The following NOD1 variants were observed in gnomAD, a reference collection of about 807,000 sequenced individuals.
The protein encoded by NOD1 is nucleotide binding oligomerization domain containing 1.
NOD1 carries 70 observed loss-of-function variants against 81.2 expected under a neutral mutation model. The observed-to-expected ratio is 0.86, with a 90% CI of 0.71 to 1.05. NOD1 has a LOEUF of 1.05. NOD1 is among the 50% of genes least tolerant of loss of function. NOD1 has a pLI of 0.00. For synonymous variants in NOD1, 508 were observed against 526.9 expected (o/e 0.96, Z 0.49); for missense variants, 1,233 against 1,228.0 (o/e 1.00, Z -0.06).
In NOD1 at chr7:30,478,774, G is replaced by T. The variant is rs924215600; in HGVS notation, c.-520C>A. 2 of 152,368 alleles carry T rather than the reference G, an allele frequency of 1.3e-5. No individual in the cohort carries two copies. Among genetic ancestry groups the T allele is most frequent in the Middle Eastern group, 6.8e-3 (2 of 292 alleles). 9.4% of individuals were successfully genotyped at this position (152,368 alleles called of 1,614,324 possible). A position where few individuals can be genotyped will look rare whatever the true frequency, so the allele number is the denominator to read the frequency against. Reference sequence around the variant, plus strand: ...CCGGGGCGGCTGCCTCGCGGGCCCGGAACGGGAACTGGCTGCGACTACAGC... The same window carrying T: ...CCGGGGCGGCTGCCTCGCGGGCCCGTAACGGGAACTGGCTGCGACTACAGC... On this transcript the variant is annotated 5_prime_UTR_variant, in exon 1 of 14. Transcript: ENST00000222823. The surrounding 1 kb of genome is among the most constrained non-coding windows in gnomAD (Gnocchi z 4.1).
chr7:30,446,170 C>T lies in NOD1; in HGVS notation c.2424G>A (p.Val808=). 6.2e-7 allele frequency: 1 copy of T among 1,613,858 alleles called. No individual in the cohort carries two copies. Among genetic ancestry groups the T allele is most frequent in the Non-Finnish European group, 8.5e-7 (1 of 1,179,810 alleles). ...CCTCAGAGATTGATTTGCTGTTCTT[C>T]ACAGCCAGGGCGAGATACTTCCCTC... The part of the protein sequence containing the change: ...SEGGKYLALA[V]KNSKSISEVG... Residue 808 remains valine, a synonymous_variant, in exon 9 of 14, where the codon GTG becomes GTA. Coordinates refer to ENST00000222823, the MANE Select transcript of NOD1 (RefSeq NM_006092.4).
rs905089477 is a variant in NOD1 at position 30,467,449 on chromosome 7, T to C, written c.-351-7408A>G. On this transcript the variant is annotated intron_variant, in intron 1 of 13. Transcript: ENST00000222823. The surrounding 1 kb of genome is among the most constrained non-coding windows in gnomAD (Gnocchi z 4.5). ...CATCTTGAGGCAGGCCAGCACAACA[T>C]TCTCAGCGACTGCCTTGTTTTGAGG... is the stretch of plus-strand genomic sequence containing the variant. 1.3e-5 allele frequency among the ~76,000 whole-genome samples: 2 copies of C among 152,106 alleles called. No homozygotes were observed. Among genetic ancestry groups the C allele is most frequent in the Non-Finnish European group, 2.9e-5 (2 of 68,010 alleles).
chr7:30,427,345 G>A (rs1783542638), intron 13 of NOD1, among the ~76,000 whole-genome samples: 1 of 152,194 alleles, frequency 6.6e-6, no homozygotes, highest in East Asian at 1.9e-4. Context: ...AAGGAATGAG[G>A]TAGAAATAAG....
At chr7:30,429,595 T>G in intron 12 of NOD1, 138 bp from the exon 13 acceptor site, 1 of 694,408 alleles carries the variant, frequency 1.4e-6, no homozygotes, top group Non-Finnish European at 2.6e-6. Flanking sequence ...ACTTTGTATC[T>G]GGCTAAAAGT....
At chr7:30,437,250 C>T (rs1358448001) in intron 10 of NOD1, among the ~76,000 whole-genome samples, 1 of 152,110 alleles carries the variant, frequency 6.6e-6, no homozygotes, top group African/African-American at 2.4e-5. Context: ...GGAGGGCAAG[C>T]ATTAGGACAA....
chr7:30,460,156 A>G (rs112319733), intron 1 of NOD1, 115 bp from the exon 2 acceptor site: 34,475 of 813,194 alleles, frequency 0.042, 800 homozygotes, highest in Non-Finnish European at 0.045. Flanking sequence ...ATTCAGCAAG[A>G]ACTTAACAAG....
At position 30,448,368 on chromosome 7, in the gene NOD1, G is replaced by T. The variant is rs1372146123; in HGVS notation, c.2215C>A (p.Gln739Lys). 6.2e-7 allele frequency: 1 copy of T among 1,614,022 alleles called. No homozygotes were observed. Among genetic ancestry groups the T allele is most frequent in the Admixed American group, 1.7e-5 (1 of 60,016 alleles). The change falls in exon 7 of 14, where the codon CAG becomes AAG. Residue 739 changes from glutamine to lysine, a missense_variant. By Grantham distance (53) the Gln-to-Lys change is moderately conservative. Coordinates refer to ENST00000222823, the MANE Select transcript of NOD1 (RefSeq NM_006092.4). Reference sequence around the variant, plus strand: ...ACCTTTACCCCACCGTCAGTGATCTGGTTTACGCTGAGTCTGAAATAAAAC... The same window carrying T: ...ACCTTTACCCCACCGTCAGTGATCTTGTTTACGCTGAGTCTGAAATAAAAC... ...RLTVLRLSVN[Q>K]ITDGGVKVLS...
intron 1 of NOD1, among the ~76,000 whole-genome samples, chr7:30,460,873 C>T (rs940491568): frequency 2.0e-5 from 3 of 152,206 alleles, no homozygotes; most frequent in Non-Finnish European, 4.4e-5. Context: ...TGCCCAAGTC[C>T]CCTCCTGCAA....
At chr7:30,465,529 A>G (rs898351450) in intron 1 of NOD1, among the ~76,000 whole-genome samples, 1 of 151,892 alleles carries the variant, frequency 6.6e-6, no homozygotes, top group African/African-American at 2.4e-5. Context: ...ACAAGACTAG[A>G]CTCCATCCCA....
intron 6 of NOD1, 49 bp from the exon 7 acceptor site, chr7:30,448,430 T>C (rs375665569): frequency 7.0e-7 from 1 of 1,420,268 alleles, no homozygotes; most frequent in Non-Finnish European, 1.0e-6. Flanking sequence ...GCACTCATTA[T>C]GAAGGACCAT....
chr7:30,451,670 C>A lies in NOD1; in HGVS notation c.1747G>T (p.Asp583Tyr). The change falls in exon 6 of 14, where the codon GAT (aspartate) becomes TAT (tyrosine). Residue 583 changes from aspartate (D) to tyrosine (Y), a missense_variant. Physicochemically the swap from Asp to Tyr is radical, Grantham distance 160. Coordinates refer to ENST00000222823, the MANE Select transcript of NOD1 (RefSeq NM_006092.4). The surrounding 1 kb of genome is among the most constrained non-coding windows in gnomAD (Gnocchi z 4.2). ...AAGAGGTTGGTGAACTGGAAGTGAT[C>A]CTTGTTCTTGAAGAGGTCTTCCCGC... ...PAREDLFKNKDHFQFTNLFLC... is the reference protein window; with the variant it reads ...PAREDLFKNKYHFQFTNLFLC... 1 of 1,613,918 alleles carries A rather than the reference C, an allele frequency of 6.2e-7. No homozygotes were observed. Among genetic ancestry groups the A allele is most frequent in the Non-Finnish European group, 8.5e-7 (1 of 1,180,032 alleles).
chr7:30,425,955 G>A (rs1193883716), intron 13 of NOD1, among the ~76,000 whole-genome samples: 1 of 152,088 alleles, frequency 6.6e-6, no homozygotes, highest in Non-Finnish European at 1.5e-5. Context: ...TGAATTTAAT[G>A]ACATTTTCCA....
chr7:30,474,706 C>A (rs1788603796), intron 1 of NOD1, among the ~76,000 whole-genome samples: 1 of 152,214 alleles, frequency 6.6e-6, no homozygotes, highest in African/African-American at 2.4e-5. Context: ...ACCTAAGAGG[C>A]CACCGACTGG....
At chr7:30,458,728 A>G (rs1052561068) in intron 3 of NOD1, among the ~76,000 whole-genome samples, 3 of 150,900 alleles carry the variant, frequency 2.0e-5, no homozygotes, top group African/African-American at 7.3e-5. Flanking sequence ...TTAAATACTA[A>G]TCCAGCCTTT....
At chr7:30,431,999 G>A (rs1354329229) in intron 12 of NOD1, among the ~76,000 whole-genome samples, 14 of 152,156 alleles carry the variant, frequency 9.2e-5, no homozygotes, top group Non-Finnish European at 1.5e-5. Context: ...CAACTACTCA[G>A]GAGGCTGAGG....
chr7:30,460,862 G>A lies in NOD1; in HGVS notation c.-351-821C>T, dbSNP rs189021977. ...CACTCCGGGCTCCTCACAGAAACCA[G>A]TGCCCAAGTCCCCTCCTGCAATGTG... On this transcript the variant is annotated intron_variant, in intron 1 of 13. Coordinates refer to ENST00000222823, the MANE Select transcript of NOD1 (RefSeq NM_006092.4). Among the ~76,000 whole-genome samples, 5 of 152,324 alleles carry A rather than the reference G, an allele frequency of 3.3e-5. No homozygotes were observed. In the East Asian group the frequency reaches 9.6e-4, roughly 29 times the overall value.
intron 6 of NOD1, among the ~76,000 whole-genome samples, chr7:30,450,818 T>C (rs1785611862): frequency 6.6e-6 from 1 of 152,266 alleles, no homozygotes; most frequent in African/African-American, 2.4e-5. Context: ...TACTTCCTTA[T>C]CTGCCAAAAT....
chr7:30,457,211 C>A (rs1786473069), intron 3 of NOD1, among the ~76,000 whole-genome samples, 169 bp from the exon 4 acceptor site: 1 of 152,172 alleles, frequency 6.6e-6, no homozygotes, highest in Non-Finnish European at 1.5e-5. Flanking sequence ...CTTTGGGAGG[C>A]TGAGATGGGT....
intron 1 of NOD1, chr7:30,469,047 T>A (rs1257245117): frequency 1.0e-6 from 1 of 985,296 alleles, no homozygotes; most frequent in Non-Finnish European, 1.2e-6. Flanking sequence ...GGAGAACACA[T>A]ATGCTTGGTC....
Sources: gnomAD v4.1 joint callset for allele counts (sites outside exome capture counted in the v4.1 genomes callset) on GRCh38, gnomAD v4.1.1 for gene constraint, Gnocchi (gnomAD v3.1) non-coding constraint, MANE v1.5 for transcripts, NCBI Gene and HGNC (gene_info 2026-07-23, HGNC 2026-07-21) for gene names.